The following ACTN4 variants were observed in gnomAD, a reference collection of about 807,000 sequenced individuals.
The protein encoded by ACTN4 is actinin alpha 4.
A neutral mutation model predicts 114.2 loss-of-function variants in ACTN4; 18 were observed. The ratio of observed to expected loss-of-function variants is 0.16; its 90% CI spans 0.11 to 0.23. The LOEUF (loss-of-function observed/expected upper bound fraction) is 0.23. Ranked by LOEUF, ACTN4 falls within the 10% of genes least tolerant of loss-of-function variation. The probability of loss-of-function intolerance (pLI) is 1.00; values close to 1 mark genes in which losing one functional copy is unlikely to be tolerated. For missense variants in ACTN4, 722 were observed against 1,262.9 expected, an observed-to-expected ratio of 0.57 and a Z score of 6.49; for synonymous variants, 515 against 506.3, an observed-to-expected ratio of 1.02 and a Z score of -0.23.
intron 1 of ACTN4, among the ~76,000 whole-genome samples, chr19:38,690,369 T>G (rs751013116): frequency 6.6e-6 from 1 of 152,340 alleles, no homozygotes; most frequent in Middle Eastern, 3.4e-3. Flanking sequence ...AGGCGCCCAT[T>G]GCTGCTCATT....
Position 38,647,684 on chromosome 19 carries a change from G to T in ACTN4, c.-62G>T. ...AAGCGGCGGTAGCGGCGGCGGCTCG[G>T]GCAGAGGGGCGGGAGCTGAGGCGGG... On this transcript the variant is annotated 5_prime_UTR_variant, in exon 1 of 21. Coordinates refer to ENST00000252699, the MANE Select transcript of ACTN4 (RefSeq NM_004924.6). 1 of 1,502,826 alleles carries T rather than the reference G, an allele frequency of 6.7e-7. No individual in the cohort carries two copies. Among genetic ancestry groups the T allele is most frequent in the Non-Finnish European group, 8.9e-7 (1 of 1,126,564 alleles). The allele number at this position is 1,502,826 out of a possible 1,614,324, so 93.1% of individuals were successfully genotyped here. A position where few individuals can be genotyped will look rare whatever the true frequency, so the allele number is the denominator to read the frequency against.
chr19:38,698,685 C>T (rs569515132), intron 1 of ACTN4, among the ~76,000 whole-genome samples: 116 of 152,260 alleles, frequency 7.6e-4, no homozygotes, highest in African/African-American at 2.7e-3. Context: ...GGGGGAACAG[C>T]GTTGTGCCAC....
intron 1 of ACTN4, among the ~76,000 whole-genome samples, chr19:38,674,280 A>C (rs113688742): frequency 6.6e-6 from 1 of 152,126 alleles, no homozygotes; most frequent in Admixed American, 6.6e-5. Context: ...GAAGAGAGAA[A>C]TAAAATGAGA....
intron 1 of ACTN4, among the ~76,000 whole-genome samples, chr19:38,673,701 T>TTATATATTTATATATTTATATATACTTA (rs1568690844): frequency 4.9e-5 from 3 of 60,616 alleles, no homozygotes; most frequent in Non-Finnish European, 7.0e-5. Context: ...TTATATATAT[T>TTATATATTTATATATTTATATATACTTA]TATATATTTA....
intron 1 of ACTN4, among the ~76,000 whole-genome samples, chr19:38,682,206 T>G (rs558894421): frequency 1.3e-5 from 2 of 152,268 alleles, no homozygotes; most frequent in Admixed American, 6.5e-5. Flanking sequence ...TTTTAAATTT[T>G]GTTTATTTAT....
chr19:38,702,488 C>T (rs1204875712), intron 3 of ACTN4, among the ~76,000 whole-genome samples: 5 of 152,248 alleles, frequency 3.3e-5, no homozygotes, highest in Non-Finnish European at 7.3e-5. Flanking sequence ...TGAGAAACGC[C>T]ATCCTCCTCT....
chr19:38,663,857 T>A (rs1217869929), intron 1 of ACTN4, among the ~76,000 whole-genome samples: 1 of 152,152 alleles, frequency 6.6e-6, no homozygotes, highest in African/African-American at 2.4e-5. Flanking sequence ...CAGACTCTTC[T>A]CCCCAGGTGG....
At position 38,717,363 on chromosome 19, in the gene ACTN4, G is replaced by C. The variant is rs1968876709; in HGVS notation, c.1143+47G>C. 6.3e-7 allele frequency: 1 copy of C among 1,595,276 alleles called. No homozygotes were observed. Among genetic ancestry groups the C allele is most frequent in the Non-Finnish European group, 8.5e-7 (1 of 1,171,810 alleles). Reference sequence around the variant, plus strand: ...GGAGCAGCTGTGAGGGGCAGAGGCAGCCCTAGAACTGCCTGTGGGCAGTTT... The same window carrying C: ...GGAGCAGCTGTGAGGGGCAGAGGCACCCCTAGAACTGCCTGTGGGCAGTTT... On this transcript the variant is annotated intron_variant, in intron 10 of 20. Coordinates refer to ENST00000252699, the MANE Select transcript of ACTN4 (RefSeq NM_004924.6). This position sits in a 1 kb window ranked among gnomAD's most constrained non-coding sequence, Gnocchi z 4.0.
intron 9 of ACTN4, among the ~76,000 whole-genome samples, chr19:38,715,407 G>A (rs1440528498): frequency 2.0e-5 from 3 of 152,162 alleles, no homozygotes; most frequent in African/African-American, 7.2e-5. Flanking sequence ...TGAGGCAGGA[G>A]GATCGCTTGA....
At chr19:38,664,225 T>A (rs1966889706) in intron 1 of ACTN4, among the ~76,000 whole-genome samples, 1 of 152,122 alleles carries the variant, frequency 6.6e-6, no homozygotes, top group Non-Finnish European at 1.5e-5. Context: ...TTTAAATAAC[T>A]GCCTTAGTGC....
intron 3 of ACTN4, among the ~76,000 whole-genome samples, chr19:38,702,058 A>C (rs1968296089): frequency 6.6e-6 from 1 of 151,940 alleles, no homozygotes; most frequent in South Asian, 2.1e-4. Flanking sequence ...ACAACCCAAA[A>C]ATTCAGTCAG....
chr19:38,672,238 C>CT (rs35567918), intron 1 of ACTN4, among the ~76,000 whole-genome samples: 73,232 of 113,694 alleles, frequency 0.64, 25,098 homozygotes, highest in South Asian at 0.82. Flanking sequence ...ACATGTGGTT[C>CT]TTTTTTTTTT....
intron 1 of ACTN4, among the ~76,000 whole-genome samples, chr19:38,654,045 G>A (rs969320454): frequency 6.6e-6 from 1 of 152,210 alleles, no homozygotes; most frequent in Admixed American, 6.5e-5. Flanking sequence ...CTAGGCGCCA[G>A]AATTTGTTAT....
chr19:38,661,065 G>C (rs761323392), intron 1 of ACTN4, among the ~76,000 whole-genome samples: 1 of 152,206 alleles, frequency 6.6e-6, no homozygotes, highest in Non-Finnish European at 1.5e-5. Flanking sequence ...AGAAAGGCCC[G>C]AGTGGTCAGA....
At chr19:38,664,793 C>CT (rs1217720986) in intron 1 of ACTN4, among the ~76,000 whole-genome samples, 1 of 152,244 alleles carries the variant, frequency 6.6e-6, no homozygotes, top group African/African-American at 2.4e-5. Context: ...CTGCCTTCCT[C>CT]TTTTTTGAAA....
chr19:38,710,133 C>T, intron 7 of ACTN4, 124 bp from the exon 8 acceptor site: 1 of 981,082 alleles, frequency 1.0e-6, no homozygotes, highest in Non-Finnish European at 1.6e-6. Flanking sequence ...CCACCCAAGT[C>T]ACGCGTCACT....
chr19:38,658,742 C>T (rs1976783441), intron 1 of ACTN4, among the ~76,000 whole-genome samples: 1 of 152,168 alleles, frequency 6.6e-6, no homozygotes, highest in South Asian at 2.1e-4. Context: ...TTCTTACAGG[C>T]TGTCTACGAA....
At chr19:38,675,876 C>T (rs1355230442) in intron 1 of ACTN4, among the ~76,000 whole-genome samples, 1 of 152,220 alleles carries the variant, frequency 6.6e-6, no homozygotes, top group Non-Finnish European at 1.5e-5. Context: ...TGCTGAGAGG[C>T]TGCCCGCAGC....
chr19:38,672,238 CTTT>C (rs35567918), intron 1 of ACTN4, among the ~76,000 whole-genome samples: 3 of 113,738 alleles, frequency 2.6e-5, no homozygotes, highest in African/African-American at 3.4e-5. Context: ...ACATGTGGTT[CTTT>C]TTTTTTTTTT....
Sources: allele counts gnomAD v4.1 joint callset (sites outside exome capture counted in the v4.1 genomes callset), GRCh38; gene constraint gnomAD v4.1.1; non-coding constraint Gnocchi (gnomAD v3.1); transcripts MANE v1.5; gene names NCBI Gene and HGNC (gene_info 2026-07-23, HGNC 2026-07-21).